The following DISC1 variants were observed in gnomAD, a reference collection of about 807,000 sequenced individuals.
DISC1 encodes DISC1 scaffold protein.
DISC1 carries 57 observed loss-of-function variants against 84.5 expected under a neutral mutation model. The ratio of observed to expected loss-of-function variants is 0.67; its 90% CI spans 0.55 to 0.84. DISC1 has a LOEUF of 0.84. Ranked by LOEUF, DISC1 falls within the 40% of genes least tolerant of loss-of-function variation. DISC1 has a pLI of 0.00. For missense variants in DISC1, 1,000 were observed against 1,057.8 expected (o/e 0.95, Z 0.76); for synonymous variants, 411 against 415.2 (o/e 0.99, Z 0.12).
In DISC1 at chr1:231,974,961, G is replaced by A. The variant is rs543446395; in HGVS notation, c.2042+16073G>A. ...TAAAAATACAAAAAATTAGCTGGGC[G>A]TGGTGGCACATGCCTGTAGTCCCAG... On this transcript the variant is annotated intron_variant, in intron 10 of 12. Transcript: ENST00000439617. Among the ~76,000 whole-genome samples, 6 of 152,196 alleles carry A rather than the reference G, an allele frequency of 3.9e-5. No homozygotes were observed. In the South Asian group the frequency reaches 6.2e-4, roughly 16 times the overall value.
intron 9 of DISC1, among the ~76,000 whole-genome samples, chr1:231,952,132 A>G (rs1444706947): frequency 1.3e-5 from 2 of 151,558 alleles, no homozygotes; most frequent in East Asian, 1.9e-4. Flanking sequence ...AAGAAAGAAA[A>G]AGAAAAAACA....
intron 9 of DISC1, among the ~76,000 whole-genome samples, chr1:231,831,929 G>T (rs2082263358): frequency 6.6e-6 from 1 of 151,834 alleles, no homozygotes; most frequent in Non-Finnish European, 1.5e-5. Flanking sequence ...CTGGTGAGTG[G>T]CGATTAGGCC....
chr1:231,991,513 A>C (rs1175530454), intron 10 of DISC1, among the ~76,000 whole-genome samples: 2 of 152,170 alleles, frequency 1.3e-5, no homozygotes, highest in African/African-American at 4.8e-5. Flanking sequence ...GTACTTCTGA[A>C]GGGCACTTAC....
chr1:231,904,537 T>C (rs1263701903), intron 9 of DISC1, among the ~76,000 whole-genome samples: 5 of 152,016 alleles, frequency 3.3e-5, no homozygotes, highest in African/African-American at 1.2e-4. Flanking sequence ...AAAACTGGAG[T>C]ATTGCTGTGA....
At position 231,647,811 on chromosome 1, in the gene DISC1, C is replaced by T. The variant is rs181783490; in HGVS notation, c.67+20877C>T. The stretch of plus-strand genomic sequence containing the variant: ...GTTGGATTCCTCGGTGTTTTATTCT[C>T]TTTGTAGCAATTGTGAATGGGAGTT... On this transcript the variant is annotated intron_variant, in intron 1 of 12. Coordinates refer to ENST00000439617, the MANE Select transcript of DISC1 (RefSeq NM_018662.3). Among the ~76,000 whole-genome samples the T allele has an allele frequency of 2.0e-3, 305 of 152,248 alleles. 1 individual carries two copies. Among genetic ancestry groups the T allele is most frequent in the African/African-American group, 6.9e-3 (287 of 41,540 alleles).
chr1:231,944,134 CT>C (rs2091486613), intron 9 of DISC1, among the ~76,000 whole-genome samples: 1 of 152,206 alleles, frequency 6.6e-6, no homozygotes, highest in Admixed American at 6.5e-5. Context: ...CACTGGTCCA[CT>C]GAACCCAGCC....
rs1323928837 is a variant in DISC1 at position 231,694,611 on chromosome 1, T to C, written c.853T>C (p.Ser285Pro). 1 of 1,614,260 alleles carries C rather than the reference T, an allele frequency of 6.2e-7. No individual in the cohort carries two copies. The highest frequency in any genetic ancestry group is 1.3e-5 in the African/African-American group (1 of 75,070). The change falls in exon 2 of 13, where the codon TCC becomes CCC. Residue 285 changes from serine to proline, a missense_variant. Around this residue, in one of 3 missense-constraint regions of DISC1, gnomAD observed 311 missense variants for 400.1 expected, o/e 0.78. Transcript: ENST00000439617. ...CTTGGCCCAGGCCGCAAGGAACAGCTCCAGGCCAGAGCGTGACATGCATTC... is the reference window on the plus strand; with the variant it reads ...CTTGGCCCAGGCCGCAAGGAACAGCCCCAGGCCAGAGCGTGACATGCATTC... ...ADLAQAARNS[S>P]RPERDMHSLP...
At chr1:231,849,533 GGTGT>G (rs1045805728) in intron 9 of DISC1, among the ~76,000 whole-genome samples, 1 of 151,794 alleles carries the variant, frequency 6.6e-6, no homozygotes, top group Non-Finnish European at 1.5e-5. Context: ...TGATGATGGT[GGTGT>G]GTGTGTGTGG....
At chr1:231,834,601 G>A (rs1456173772) in intron 9 of DISC1, among the ~76,000 whole-genome samples, 2 of 152,088 alleles carry the variant, frequency 1.3e-5, no homozygotes, top group South Asian at 2.1e-4. Flanking sequence ...AGAAAATAAG[G>A]CATTTAGGTT....
intron 1 of DISC1, among the ~76,000 whole-genome samples, chr1:231,652,615 C>G (rs541299771): frequency 9.2e-5 from 14 of 152,164 alleles, no homozygotes; most frequent in Admixed American, 9.2e-4. Flanking sequence ...ATATTCCTCA[C>G]TGTTAATGAT....
intron 3 of DISC1, among the ~76,000 whole-genome samples, chr1:231,741,922 C>T (rs2073332815): frequency 6.6e-6 from 1 of 152,208 alleles, no homozygotes; most frequent in East Asian, 1.9e-4. Flanking sequence ...ACATCAATGA[C>T]CCTGTGACTG....
At chr1:231,828,840 T>G (rs1220047435) in intron 9 of DISC1, among the ~76,000 whole-genome samples, 3 of 152,282 alleles carry the variant, frequency 2.0e-5, no homozygotes, top group African/African-American at 7.2e-5. Flanking sequence ...AACTGTAGTT[T>G]GAGACAAATT....
In DISC1 at chr1:231,694,504, C is replaced by A; in HGVS notation, c.746C>A (p.Ala249Asp). The A allele has an allele frequency of 6.2e-7, 1 of 1,614,282 alleles. No individual in the cohort carries two copies. The highest frequency in any genetic ancestry group is 8.5e-7 in the Non-Finnish European group (1 of 1,180,046). Residue 249 changes from alanine to aspartate, a missense_variant, in exon 2 of 13, where the codon GCT becomes GAT. Around this residue, in one of 3 missense-constraint regions of DISC1, gnomAD observed 311 missense variants for 400.1 expected, o/e 0.78. Transcript: ENST00000439617. The stretch of plus-strand genomic sequence containing the variant: ...AGCCCCCAGGAGATGGGAGCCAAAG[C>A]TGCCAGCTTGGACGGGCCTCACGAG... ...CQSPQEMGAKAASLDGPHEDP... is the reference protein window; with the variant it reads ...CQSPQEMGAKDASLDGPHEDP...
rs903933304 is a variant in DISC1 at position 231,630,075 on chromosome 1, C to T, written c.67+3141C>T. On this transcript the variant is annotated intron_variant, in intron 1 of 12. Coordinates refer to ENST00000439617, the MANE Select transcript of DISC1 (RefSeq NM_018662.3). This position sits in a 1 kb window ranked among gnomAD's most constrained non-coding sequence, Gnocchi z 4.4. Reference sequence around the variant, plus strand: ...GCCTCTCGAGTAGTGGGATTACAGGCGCCCACCACCACATCCAGCTAATTT... The same window carrying T: ...GCCTCTCGAGTAGTGGGATTACAGGTGCCCACCACCACATCCAGCTAATTT... 3.3e-5 allele frequency among the ~76,000 whole-genome samples: 5 copies of T among 152,202 alleles called. No individual in the cohort carries two copies. Among genetic ancestry groups the T allele is most frequent in the Non-Finnish European group, 7.4e-5 (5 of 68,010 alleles).
At chr1:231,971,620 A>G (rs2102822366) in intron 10 of DISC1, among the ~76,000 whole-genome samples, 1 of 152,362 alleles carries the variant, frequency 6.6e-6, no homozygotes, top group East Asian at 1.9e-4. Context: ...AGCGAGCTGC[A>G]GACACTTTAG....
chr1:231,635,765 T>C (rs1313379683), intron 1 of DISC1, among the ~76,000 whole-genome samples: 1 of 152,218 alleles, frequency 6.6e-6, no homozygotes, highest in Non-Finnish European at 1.5e-5. Context: ...GCATACACTA[T>C]ATAGTCAGAT....
chr1:231,661,655 C>T (rs779627288), intron 1 of DISC1, among the ~76,000 whole-genome samples: 10 of 152,164 alleles, frequency 6.6e-5, no homozygotes, highest in Admixed American at 1.3e-4. Flanking sequence ...ATTGTTTTAT[C>T]ATGATTCTTA....
intron 11 of DISC1, among the ~76,000 whole-genome samples, chr1:232,014,474 C>A (rs1285542329): frequency 6.6e-6 from 1 of 152,158 alleles, no homozygotes; most frequent in Non-Finnish European, 1.5e-5. Context: ...TTTTGCAAAC[C>A]CAGCCATCTT....
chr1:231,832,834 C>T (rs1329472497), intron 9 of DISC1, among the ~76,000 whole-genome samples: 4 of 148,254 alleles, frequency 2.7e-5, no homozygotes, highest in South Asian at 2.2e-4. Flanking sequence ...TTGTCTGGTT[C>T]TAGGACAGGT....
Sources: allele counts gnomAD v4.1 joint callset (sites outside exome capture counted in the v4.1 genomes callset), GRCh38; gene constraint gnomAD v4.1.1; regional missense constraint gnomAD v4.1.1; non-coding constraint Gnocchi (gnomAD v3.1); transcripts MANE v1.5; gene names NCBI Gene and HGNC (gene_info 2026-07-23, HGNC 2026-07-21).